ABCD2: variants seen among roughly 807,000 people sequenced by gnomAD.
ABCD2 encodes ATP binding cassette subfamily D member 2, also known as ATP-binding cassette sub-family D member 2.
Under a neutral mutation model 70.9 loss-of-function variants are expected in ABCD2, and 36 were observed. The observed-to-expected ratio is 0.51, with a 90% confidence interval of 0.39 to 0.67. The LOEUF (loss-of-function observed/expected upper bound fraction) is 0.67. Ranked by LOEUF, ABCD2 falls within the 30% of genes least tolerant of loss-of-function variation. The pLI is 0.00. For synonymous variants in ABCD2, 304 were observed against 306.9 expected, an observed-to-expected ratio of 0.99 and a Z score of 0.10; for missense variants, 729 against 890.2, an observed-to-expected ratio of 0.82 and a Z score of 2.30.
intron 7 of ABCD2, among the ~76,000 whole-genome samples, chr12:39,580,021 T>A (rs1010877504): frequency 2.0e-5 from 3 of 152,256 alleles, no homozygotes; most frequent in Admixed American, 2.0e-4. Context: ...GTGGCTCTCC[T>A]GTGCCTAGCA....
chr12:39,555,136 T>C (rs1037173560), intron 9 of ABCD2, among the ~76,000 whole-genome samples: 1 of 152,120 alleles, frequency 6.6e-6, no homozygotes, highest in East Asian at 1.9e-4. Context: ...TCACCAGTAA[T>C]TTCAGAACAT....
At chr12:39,592,291 C>A (rs1366416348) in intron 6 of ABCD2, among the ~76,000 whole-genome samples, 1 of 152,060 alleles carries the variant, frequency 6.6e-6, no homozygotes, top group East Asian at 1.9e-4. Flanking sequence ...GATATTTATC[C>A]CCATCATAAA....
At chr12:39,576,284 C>G (rs534650200) in intron 8 of ABCD2, among the ~76,000 whole-genome samples, 1 of 152,052 alleles carries the variant, frequency 6.6e-6, no homozygotes, top group African/African-American at 2.4e-5. Flanking sequence ...CTCAGCCTCC[C>G]GAGTAGCTGG....
chr12:39,537,245 T>C, the ABCD2 span, among the ~76,000 whole-genome samples: 1 of 152,164 alleles, frequency 6.6e-6, no homozygotes, highest in African/African-American at 2.4e-5. Flanking sequence ...ACTGAACTCA[T>C]CTTCCCCCTA....
chr12:39,573,097 A>C (rs927511406), intron 9 of ABCD2, among the ~76,000 whole-genome samples: 3 of 152,170 alleles, frequency 2.0e-5, no homozygotes, highest in Non-Finnish European at 4.4e-5. Flanking sequence ...TGTGAGGCTT[A>C]AATAAGATGT....
At chr12:39,539,037 G>C in the ABCD2 span, among the ~76,000 whole-genome samples, 2,364 of 152,186 alleles carry the variant, frequency 0.016, 76 homozygotes, top group African/African-American at 0.052. Context: ...ACACCACCTC[G>C]TGTTGTCTGT....
At position 39,619,079 on chromosome 12, in the gene ABCD2, T is replaced by G; in HGVS notation, c.537A>C (p.Leu179=). Residue 179 remains leucine (L), a synonymous_variant, in exon 1 of 10, where the codon CTA becomes CTC. Coordinates refer to ENST00000308666, the MANE Select transcript of ABCD2 (RefSeq NM_005164.4). ...AATAGGTTTCATAGGCGTGGTCTAC[T>G]AGGCGAGTTCTGAAGGCCAAAGCCA... The part of the protein sequence containing the change: ...CKLALAFRTR[L]VDHAYETYFT... 3.1e-6 allele frequency: 5 copies of G among 1,614,230 alleles called. No individual in the cohort carries two copies. The highest frequency in any genetic ancestry group is 3.4e-6 in the Non-Finnish European group (4 of 1,180,034).
At chr12:39,575,644 G>A (rs1308824120) in intron 8 of ABCD2, among the ~76,000 whole-genome samples, 2 of 152,142 alleles carry the variant, frequency 1.3e-5, no homozygotes, top group Non-Finnish European at 2.9e-5. Context: ...GCCAGCTCAA[G>A]TCTTTCACAT....
chr12:39,566,939 T>G (rs1941359283), intron 9 of ABCD2, among the ~76,000 whole-genome samples: 1 of 152,202 alleles, frequency 6.6e-6, no homozygotes, highest in African/African-American at 2.4e-5. Flanking sequence ...AGTTTAGCGG[T>G]TTTGAGTGAG....
At chr12:39,576,509 G>A (rs1024497891) in intron 8 of ABCD2, among the ~76,000 whole-genome samples, 1 of 151,978 alleles carries the variant, frequency 6.6e-6, no homozygotes, top group South Asian at 2.1e-4. Context: ...TGAGAAAGGG[G>A]TATCCCAAAA....
At chr12:39,538,839 C>G in the ABCD2 span, among the ~76,000 whole-genome samples, 1 of 152,128 alleles carries the variant, frequency 6.6e-6, no homozygotes, top group Non-Finnish European at 1.5e-5. Context: ...CTGGAAAACA[C>G]GTACCCCTGA....
intron 3 of ABCD2, among the ~76,000 whole-genome samples, chr12:39,606,285 T>C (rs1197930687): frequency 1.3e-5 from 2 of 152,182 alleles, no homozygotes; most frequent in Admixed American, 1.3e-4. Context: ...CTTAGAACCC[T>C]AACTCTACAA....
At chr12:39,595,778 G>A (rs922937829) in intron 6 of ABCD2, among the ~76,000 whole-genome samples, 2 of 152,174 alleles carry the variant, frequency 1.3e-5, no homozygotes, top group Admixed American at 6.5e-5. Flanking sequence ...AATAATGAGT[G>A]TTGTGGAAGC....
At position 39,619,074 on chromosome 12, in the gene ABCD2, T is replaced by C; in HGVS notation, c.542A>G (p.Asp181Gly). The part of the protein sequence containing the change: ...LALAFRTRLV[D>G]HAYETYFTNQ... The stretch of plus-strand genomic sequence containing the variant: ...TGTAAAATAGGTTTCATAGGCGTGG[T>C]CTACTAGGCGAGTTCTGAAGGCCAA... The change falls in exon 1 of 10, where the codon GAC becomes GGC. Residue 181 changes from aspartate to glycine, a missense_variant. This residue lies in a region of ABCD2 where 245 missense variants were observed against 261.2 expected (regional missense o/e 0.94). Coordinates refer to ENST00000308666, the MANE Select transcript of ABCD2 (RefSeq NM_005164.4). The C allele has an allele frequency of 6.2e-7, 1 of 1,614,204 alleles. No individual in the cohort carries two copies. The highest frequency in any genetic ancestry group is 2.2e-5 in the East Asian group (1 of 44,882).
At chr12:39,557,688 C>A (rs1941189971) in intron 9 of ABCD2, among the ~76,000 whole-genome samples, 1 of 152,120 alleles carries the variant, frequency 6.6e-6, no homozygotes, top group South Asian at 2.1e-4. Flanking sequence ...GGACTTGGTG[C>A]CCTATGTCCC....
At chr12:39,575,379 A>G (rs1941502327) in intron 8 of ABCD2, among the ~76,000 whole-genome samples, 1 of 152,024 alleles carries the variant, frequency 6.6e-6, no homozygotes, top group Non-Finnish European at 1.5e-5. Context: ...TTGTGTGTGT[A>G]CTTGAATATA....
intron 9 of ABCD2, among the ~76,000 whole-genome samples, chr12:39,568,660 T>C (rs1021468575): frequency 6.6e-6 from 1 of 152,222 alleles, no homozygotes; most frequent in African/African-American, 2.4e-5. Context: ...CTTTGTTCCG[T>C]TGCTGGTGAG....
intron 5 of ABCD2, among the ~76,000 whole-genome samples, chr12:39,602,745 A>G (rs981850807): frequency 6.6e-6 from 1 of 152,168 alleles, no homozygotes; most frequent in African/African-American, 2.4e-5. Context: ...TTTCTGCAGA[A>G]AGAGTGTGAT....
chr12:39,576,336 A>T (rs925495519), intron 8 of ABCD2, among the ~76,000 whole-genome samples: 1 of 151,638 alleles, frequency 6.6e-6, no homozygotes, highest in African/African-American at 2.4e-5. Flanking sequence ...ATTTTTTTTA[A>T]TTTTTGTAGA....
Sources: allele counts gnomAD v4.1 joint callset (sites outside exome capture counted in the v4.1 genomes callset), GRCh38; gene constraint gnomAD v4.1.1; regional missense constraint gnomAD v4.1.1; transcripts MANE v1.5; gene names NCBI Gene and HGNC (gene_info 2026-07-23, HGNC 2026-07-21).